Variants in ARID5B observed in about 807,000 individuals in gnomAD.
The protein encoded by ARID5B is AT-rich interaction domain 5B, also known as AT-rich interactive domain-containing protein 5B.
A neutral mutation model predicts 97.2 loss-of-function variants in ARID5B; 13 were observed. That is an observed-to-expected ratio of 0.13 (90% CI 0.09 to 0.21). The LOEUF (loss-of-function observed/expected upper bound fraction) is 0.21. Among genes scored for constraint, ARID5B ranks in the 10% least tolerant of loss-of-function variants. ARID5B has a pLI of 1.00. For missense variants in ARID5B, 1,210 were observed against 1,465.3 expected (o/e 0.83, Z 2.84); for synonymous variants, 556 against 570.3 (o/e 0.97, Z 0.36).
rs141859744 is a variant in ARID5B at position 62,075,565 on chromosome 10, C to T, written c.1199+5768C>T. ...TTGACCTTGCCTTGCCTTCGGAGGA[C>T]GACTCGCCACATGTCTGCTCCCTTT... is the stretch of plus-strand genomic sequence containing the variant. On this transcript the variant is annotated intron_variant, in intron 8 of 9. Transcript: ENST00000279873. Among the ~76,000 whole-genome samples the T allele has an allele frequency of 3.9e-3, 591 of 152,348 alleles. 1 individual carries two copies. The highest frequency in any genetic ancestry group is 0.013 in the South Asian group (61 of 4,830).
intron 2 of ARID5B, among the ~76,000 whole-genome samples, chr10:61,924,298 GAA>G (rs1230318671): frequency 6.6e-6 from 1 of 152,212 alleles, no homozygotes; most frequent in Non-Finnish European, 1.5e-5. Context: ...AACAGGAGTA[GAA>G]AAAGCACCAA....
At chr10:61,971,027 A>G (rs1377293903) in intron 3 of ARID5B, among the ~76,000 whole-genome samples, 2 of 151,912 alleles carry the variant, frequency 1.3e-5, no homozygotes, top group Admixed American at 1.3e-4. Context: ...AGAATAAAAA[A>G]GAAAGAAAAG....
intron 7 of ARID5B, among the ~76,000 whole-genome samples, chr10:62,063,842 G>C (rs1440034854): frequency 6.6e-6 from 1 of 152,214 alleles, no homozygotes; most frequent in Non-Finnish European, 1.5e-5. Flanking sequence ...TTCAGTGTCT[G>C]GTGAAGCAAT....
At chr10:62,077,458 C>T (rs1190137343) in intron 8 of ARID5B, among the ~76,000 whole-genome samples, 1 of 152,102 alleles carries the variant, frequency 6.6e-6, no homozygotes, top group Non-Finnish European at 1.5e-5. Context: ...TGTAAAAACA[C>T]CCTCAGGCAC....
chr10:61,928,684 T>G lies in ARID5B; in HGVS notation c.277-11499T>G, dbSNP rs551639932. On this transcript the variant is annotated intron_variant, in intron 2 of 9. Transcript: ENST00000279873. Reference sequence around the variant, plus strand: ...GAGAGTCCTTGAAATCTAGCAAGTTTAGCTTAATGAAGCTTGACTGCATTG... The same window carrying G: ...GAGAGTCCTTGAAATCTAGCAAGTTGAGCTTAATGAAGCTTGACTGCATTG... Among the ~76,000 whole-genome samples, 7 of 152,334 alleles carry G rather than the reference T, an allele frequency of 4.6e-5. No individual in the cohort carries two copies. In the South Asian group the frequency reaches 1.4e-3, roughly 32 times the overall value.
chr10:61,917,251 T>C (rs548233178), intron 2 of ARID5B, among the ~76,000 whole-genome samples: 2 of 152,272 alleles, frequency 1.3e-5, no homozygotes, highest in African/African-American at 4.8e-5. Flanking sequence ...GTCTGAGATA[T>C]TGACAAATCT....
At chr10:61,968,112 A>G (rs962711578) in intron 3 of ARID5B, among the ~76,000 whole-genome samples, 2 of 146,626 alleles carry the variant, frequency 1.4e-5, no homozygotes, top group Admixed American at 7.0e-5. Context: ...TTATAGGTCT[A>G]TAAACACACC....
chr10:62,012,059 CATTATGAAGTT>C (rs1279711492), intron 4 of ARID5B, among the ~76,000 whole-genome samples: 1 of 151,958 alleles, frequency 6.6e-6, no homozygotes, highest in African/African-American at 2.4e-5. Flanking sequence ...ATATTTTTCT[CATTATGAAGTT>C]ATTTCTATTA....
chr10:61,935,995 A>G (rs554577175), intron 2 of ARID5B, among the ~76,000 whole-genome samples: 1 of 152,230 alleles, frequency 6.6e-6, no homozygotes, highest in Non-Finnish European at 1.5e-5. Flanking sequence ...ATGAGAGTGA[A>G]AAAAGCCAGT....
chr10:61,968,184 TTA>T (rs1183486000), intron 3 of ARID5B, among the ~76,000 whole-genome samples: 3 of 121,066 alleles, frequency 2.5e-5, no homozygotes, highest in Non-Finnish European at 3.7e-5. Context: ...ACACACATAT[TTA>T]TACACACACA....
intron 3 of ARID5B, among the ~76,000 whole-genome samples, chr10:61,974,144 G>A (rs1838668095): frequency 6.6e-6 from 1 of 152,142 alleles, no homozygotes; most frequent in African/African-American, 2.4e-5. Context: ...CAAAGGGAGA[G>A]GTTTTGACAA....
chr10:61,945,682 A>G (rs1033973810), intron 3 of ARID5B, among the ~76,000 whole-genome samples: 4 of 152,112 alleles, frequency 2.6e-5, no homozygotes, highest in Non-Finnish European at 5.9e-5. Flanking sequence ...GCTGTTTCTC[A>G]TTGGATTTTT....
intron 3 of ARID5B, among the ~76,000 whole-genome samples, chr10:61,983,501 T>C (rs2132848003): frequency 6.6e-6 from 1 of 152,332 alleles, no homozygotes; most frequent in Non-Finnish European, 1.5e-5. Flanking sequence ...AGCTGTTAAA[T>C]TGTGCTTCGC....
rs140694219 is a variant in ARID5B, at chr10:62,022,234, G to A, written c.733+21913G>A. Among the ~76,000 whole-genome samples the A allele has an allele frequency of 2.3e-3, 353 of 152,354 alleles. 2 individuals are homozygous for A. The highest frequency in any genetic ancestry group is 8.0e-3 in the African/African-American group (333 of 41,588). On this transcript the variant is annotated intron_variant, in intron 4 of 9. Coordinates refer to ENST00000279873, the MANE Select transcript of ARID5B (RefSeq NM_032199.3). ...TGAGCAATGAGGTTCTCTAGATGGT[G>A]TGCGGATTTCCAGTTAAGGGGCACT...
At chr10:62,061,478 G>A (rs1298678501) in intron 7 of ARID5B, among the ~76,000 whole-genome samples, 3 of 152,206 alleles carry the variant, frequency 2.0e-5, no homozygotes, top group Non-Finnish European at 2.9e-5. Context: ...TAGAGAGAAG[G>A]ATGGAGAGAA....
intron 3 of ARID5B, among the ~76,000 whole-genome samples, chr10:61,994,281 G>A (rs1838967638): frequency 1.3e-5 from 2 of 151,972 alleles, no homozygotes; most frequent in South Asian, 2.1e-4. Flanking sequence ...ACTTACTGAT[G>A]TTAGAAGTAG....
intron 2 of ARID5B, among the ~76,000 whole-genome samples, chr10:61,931,248 T>A (rs1439599200): frequency 6.6e-6 from 1 of 152,168 alleles, no homozygotes; most frequent in Non-Finnish European, 1.5e-5. Flanking sequence ...CAGTAGGAAT[T>A]AAAACTGAGA....
chr10:61,932,315 C>G (rs1290873223), intron 2 of ARID5B, among the ~76,000 whole-genome samples: 1 of 151,970 alleles, frequency 6.6e-6, no homozygotes, highest in East Asian at 1.9e-4. Context: ...TGTGGAAGAT[C>G]TGGGCTTGAT....
chr10:61,905,821 A>T (rs1056527348), intron 2 of ARID5B, among the ~76,000 whole-genome samples: 2 of 152,248 alleles, frequency 1.3e-5, no homozygotes, highest in Non-Finnish European at 2.9e-5. Context: ...TCAGTGGTAT[A>T]TAATGATAAC....
Sources: allele counts gnomAD v4.1 joint callset (sites outside exome capture counted in the v4.1 genomes callset), GRCh38; gene constraint gnomAD v4.1.1; transcripts MANE v1.5; gene names NCBI Gene and HGNC (gene_info 2026-07-23, HGNC 2026-07-21).